The following PLCL1 variants were observed in gnomAD, a reference collection of about 807,000 sequenced individuals.
The protein encoded by PLCL1 is phospholipase C like 1 (inactive).
A neutral mutation model predicts 84.4 loss-of-function variants in PLCL1; 41 were observed. That is an observed-to-expected ratio of 0.49 (90% confidence interval 0.38 to 0.63). The LOEUF (loss-of-function observed/expected upper bound fraction) is 0.63, where lower values mean the gene tolerates loss of function less well. PLCL1 is among the 30% of genes least tolerant of loss of function. The pLI, the probability that PLCL1 is intolerant of heterozygous loss-of-function variation, is 0.00. For synonymous variants in PLCL1, 490 were observed against 488.3 expected (o/e 1.00, Z -0.05); for missense variants, 1,206 against 1,367.8 (o/e 0.88, Z 1.87).
intron 1 of PLCL1, among the ~76,000 whole-genome samples, chr2:197,960,028 C>T (rs1433251599): frequency 1.3e-5 from 2 of 152,034 alleles, no homozygotes; most frequent in African/African-American, 4.8e-5. Flanking sequence ...CAGTGAATGC[C>T]CGAGCTTGGG....
chr2:198,093,514 G>C (rs1209539596), intron 3 of PLCL1, among the ~76,000 whole-genome samples: 1 of 152,104 alleles, frequency 6.6e-6, no homozygotes, highest in Non-Finnish European at 1.5e-5. Flanking sequence ...AAACTGATTT[G>C]GATGAATAAG....
chr2:198,080,602 A>G (rs1323585906), intron 1 of PLCL1, among the ~76,000 whole-genome samples: 2 of 152,202 alleles, frequency 1.3e-5, no homozygotes, highest in Admixed American at 1.3e-4. Context: ...GAATCCAGAC[A>G]TTGTCCTTTC....
At chr2:198,051,435 CT>C (rs1269407333) in intron 1 of PLCL1, among the ~76,000 whole-genome samples, 1 of 152,036 alleles carries the variant, frequency 6.6e-6, no homozygotes, top group African/African-American at 2.4e-5. Flanking sequence ...GATGTCACTA[CT>C]TTTTTATAGT....
At chr2:197,870,873 C>T (rs964451558) in intron 1 of PLCL1, among the ~76,000 whole-genome samples, 1 of 152,038 alleles carries the variant, frequency 6.6e-6, no homozygotes, top group African/African-American at 2.4e-5. Context: ...GGAAAAGAGA[C>T]CAGGCTGCCC....
chr2:197,942,055 T>C (rs989798301), intron 1 of PLCL1, among the ~76,000 whole-genome samples: 1 of 152,226 alleles, frequency 6.6e-6, no homozygotes, highest in African/African-American at 2.4e-5. Flanking sequence ...ATTTCATTGA[T>C]TTGTGCCATT....
intron 1 of PLCL1, among the ~76,000 whole-genome samples, chr2:197,935,699 C>T (rs1011896776): frequency 6.6e-6 from 1 of 152,108 alleles, no homozygotes; most frequent in Non-Finnish European, 1.5e-5. Context: ...AATCTGTACA[C>T]CCAACCCCTG....
At chr2:198,101,765 T>C in intron 4 of PLCL1, among the ~76,000 whole-genome samples, 1 of 152,096 alleles carries the variant, frequency 6.6e-6, no homozygotes, top group Admixed American at 6.6e-5. Context: ...GCCCCATTAC[T>C]AGTCTTCACT....
chr2:198,084,549 A>G lies in PLCL1; in HGVS notation c.1032A>G (p.Gly344=), dbSNP rs909062613. Residue 344 remains glycine (G), a synonymous_variant, in exon 2 of 6, where the codon GGA becomes GGG. Coordinates refer to ENST00000428675, the MANE Select transcript of PLCL1 (RefSeq NM_006226.4). The part of the protein sequence containing the change: ...DLMLFLEAEQ[G]VTHITEDICL... Reference sequence around the variant, plus strand: ...TGCTCTTTTTAGAAGCTGAGCAAGGAGTCACCCATATCACCGAGGATATAT... The same window carrying G: ...TGCTCTTTTTAGAAGCTGAGCAAGGGGTCACCCATATCACCGAGGATATAT... 4.3e-6 allele frequency: 7 copies of G among 1,613,864 alleles called. No homozygotes were observed. Among genetic ancestry groups the G allele is most frequent in the Non-Finnish European group, 4.2e-6 (5 of 1,179,848 alleles).
chr2:197,943,626 T>TC (rs918611461), intron 1 of PLCL1, among the ~76,000 whole-genome samples: 3 of 106,056 alleles, frequency 2.8e-5, no homozygotes, highest in African/African-American at 1.1e-4. Flanking sequence ...TTTGGTTACA[T>TC]CTTTTTTTTT....
In PLCL1 at chr2:198,114,000, CAG is replaced by C. The variant is rs140591887; in HGVS notation, c.3105+10079_3105+10080del. Among the ~76,000 whole-genome samples, 805 of 149,416 alleles carry C rather than the reference CAG, an allele frequency of 5.4e-3. 3 individuals carry two copies. Among genetic ancestry groups the C allele is most frequent in the Non-Finnish European group, 8.7e-3 (584 of 67,156 alleles). On this transcript the variant is annotated intron_variant, in intron 5 of 5. Transcript: ENST00000428675. ...TCTACAATTTAAAGCTGAAAAGATGCAGAGAGAGAGAGAGAGTTATATAATAT... is the reference window on the plus strand; with the variant it reads ...TCTACAATTTAAAGCTGAAAAGATGCAGAGAGAGAGAGAGTTATATAATAT...
chr2:198,109,886 C>A (rs538277373), intron 5 of PLCL1, among the ~76,000 whole-genome samples: 40 of 151,176 alleles, frequency 2.6e-4, no homozygotes, highest in Non-Finnish European at 4.9e-4. Flanking sequence ...ATGTAAAAAT[C>A]AATTTTAGCA....
chr2:197,813,046 A>AT (rs1690619124), intron 1 of PLCL1, among the ~76,000 whole-genome samples: 2 of 152,168 alleles, frequency 1.3e-5, no homozygotes, highest in African/African-American at 2.4e-5. Flanking sequence ...GGGCACACGC[A>AT]TTAGGGCTAG....
At chr2:197,918,894 T>C (rs1284279182) in intron 1 of PLCL1, among the ~76,000 whole-genome samples, 2 of 151,024 alleles carry the variant, frequency 1.3e-5, no homozygotes, top group African/African-American at 4.9e-5. Flanking sequence ...TGAGCTGTGA[T>C]TGCACCATTG....
At chr2:198,023,188 C>G (rs1228916003) in intron 1 of PLCL1, among the ~76,000 whole-genome samples, 1 of 152,156 alleles carries the variant, frequency 6.6e-6, no homozygotes, top group African/African-American at 2.4e-5. Context: ...GGAAAACTGG[C>G]TAGCCATATG....
At chr2:197,878,344 T>C (rs1687773687) in intron 1 of PLCL1, among the ~76,000 whole-genome samples, 1 of 152,130 alleles carries the variant, frequency 6.6e-6, no homozygotes, top group African/African-American at 2.4e-5. Context: ...GGTGGCCTGG[T>C]AGCAGCAAGC....
chr2:197,833,275 A>G (rs1691110021), intron 1 of PLCL1, among the ~76,000 whole-genome samples: 1 of 152,236 alleles, frequency 6.6e-6, no homozygotes, highest in Admixed American at 6.5e-5. Flanking sequence ...AATCGGCACA[A>G]GACAAGGATG....
At chr2:197,877,935 T>G (rs986982937) in intron 1 of PLCL1, among the ~76,000 whole-genome samples, 1 of 152,224 alleles carries the variant, frequency 6.6e-6, no homozygotes, top group African/African-American at 2.4e-5. Context: ...CCTACACTTT[T>G]ATCAGGTTCT....
intron 1 of PLCL1, among the ~76,000 whole-genome samples, chr2:198,041,048 T>C (rs1205549388): frequency 6.6e-6 from 1 of 152,170 alleles, no homozygotes; most frequent in East Asian, 1.9e-4. Context: ...CTTAGTACAC[T>C]CCCAAAGCTG....
intron 1 of PLCL1, among the ~76,000 whole-genome samples, chr2:198,056,326 A>G (rs1371163704): frequency 1.3e-5 from 2 of 151,866 alleles, no homozygotes; most frequent in African/African-American, 2.4e-5. Flanking sequence ...CCCCATAAGG[A>G]TTGATTAGTT....
Sources: allele counts gnomAD v4.1 joint callset (sites outside exome capture counted in the v4.1 genomes callset), GRCh38; gene constraint gnomAD v4.1.1; transcripts MANE v1.5; gene names NCBI Gene and HGNC (gene_info 2026-07-23, HGNC 2026-07-21).